Variants in PPP4R1 observed in about 807,000 individuals in gnomAD.
PPP4R1 encodes the protein protein phosphatase 4 regulatory subunit 1.
In PPP4R1, 42 loss-of-function variants were observed where a neutral mutation model predicts 111.2. The ratio of observed to expected loss-of-function variants is 0.38; its 90% CI spans 0.29 to 0.49. The LOEUF is 0.49. Ranked by LOEUF, PPP4R1 falls within the 20% of genes least tolerant of loss-of-function variation. The pLI is 0.97. For missense variants in PPP4R1, 1,012 were observed against 1,161.6 expected (o/e 0.87, Z 1.87); for synonymous variants, 409 against 405.5 (o/e 1.01, Z -0.10).
intron 9 of PPP4R1, among the ~76,000 whole-genome samples, chr18:9,582,280 A>AC (rs1290154336): frequency 1.3e-5 from 2 of 151,942 alleles, no homozygotes; most frequent in African/African-American, 4.8e-5. Context: ...AAGCTGACAA[A>AC]CCTTTAGCAG....
At chr18:9,587,962 C>T (rs2067147977) in intron 6 of PPP4R1, 127 bp downstream of exon 6, 1 of 1,185,418 alleles carries the variant, frequency 8.4e-7, no homozygotes, top group African/African-American at 1.5e-5. Context: ...AGTGATCCAC[C>T]CACCTCGGCC....
chr18:9,575,368 G>C (rs1458491850), intron 10 of PPP4R1, among the ~76,000 whole-genome samples: 3 of 152,200 alleles, frequency 2.0e-5, no homozygotes, highest in South Asian at 2.1e-4. Flanking sequence ...TGCTATTTAA[G>C]GGAGGGCAAA....
Position 9,547,807 on chromosome 18 carries a change from T to C in PPP4R1, c.2835A>G (p.Thr945=). 6.2e-7 allele frequency: 1 copy of C among 1,613,068 alleles called. No homozygotes were observed. The highest frequency in any genetic ancestry group is 8.5e-7 in the Non-Finnish European group (1 of 1,179,948). Reference sequence around the variant, plus strand: ...AAGCCTTCTAGTAGGTTGAGGACGCTGTGCTCATGGCATCTTCGGAGATTT... The same window carrying C: ...AAGCCTTCTAGTAGGTTGAGGACGCCGTGCTCATGGCATCTTCGGAGATTT... The part of the protein sequence containing the change: ...STKISEDAMS[T]ASSTY Residue 945 remains threonine, a synonymous_variant, in exon 20 of 20, where the codon ACA becomes ACG. Transcript: ENST00000400556.
chr18:9,563,641 T>A, intron 11 of PPP4R1, 91 bp from the exon 12 acceptor site: 4 of 1,193,374 alleles, frequency 3.4e-6, no homozygotes, highest in Non-Finnish European at 4.5e-6. Context: ...ACGTTATCAA[T>A]GAAATATATA....
chr18:9,615,528 TTTA>T (rs1379576308), upstream of PPP4R1, among the ~76,000 whole-genome samples: 4 of 152,236 alleles, frequency 2.6e-5, no homozygotes, highest in Non-Finnish European at 5.9e-5. Context: ...TATCCCAGAC[TTTA>T]TTAGTCTTGT....
At chr18:9,596,319 C>T (rs1446328683) in intron 2 of PPP4R1, among the ~76,000 whole-genome samples, 1 of 152,142 alleles carries the variant, frequency 6.6e-6, no homozygotes, top group Non-Finnish European at 1.5e-5. Flanking sequence ...TTCCCAAAGC[C>T]CTAAGAGCTT....
intron 6 of PPP4R1, among the ~76,000 whole-genome samples, 174 bp downstream of exon 6, chr18:9,587,915 C>A (rs1161941516): frequency 6.6e-6 from 1 of 151,880 alleles, no homozygotes; most frequent in Non-Finnish European, 1.5e-5. Flanking sequence ...CCAGGTGTCA[C>A]CATATTGCCC....
intron 2 of PPP4R1, among the ~76,000 whole-genome samples, chr18:9,608,038 T>C (rs869279680): frequency 4.0e-5 from 6 of 151,868 alleles, no homozygotes; most frequent in Admixed American, 1.3e-4. Flanking sequence ...CCCGCCTCGT[T>C]CTCCCAAAGT....
At chr18:9,608,466 C>G (rs1441757688) in intron 2 of PPP4R1, among the ~76,000 whole-genome samples, 1 of 152,166 alleles carries the variant, frequency 6.6e-6, no homozygotes, top group African/African-American at 2.4e-5. Flanking sequence ...GCTCCTTAGT[C>G]TAGGGAGATA....
At chr18:9,557,011 A>G (rs902184158) in intron 15 of PPP4R1, 4 of 405,892 alleles carry the variant, frequency 9.9e-6, no homozygotes, top group South Asian at 4.8e-5. Context: ...AAAGATACAA[A>G]TGTCTGTAAA....
chr18:9,555,895 G>A (rs988661410), intron 15 of PPP4R1, among the ~76,000 whole-genome samples: 12 of 152,062 alleles, frequency 7.9e-5, no homozygotes, highest in Non-Finnish European at 1.5e-4. Flanking sequence ...CCAGCACTTT[G>A]GGAGGCCAAG....
chr18:9,609,895 A>T (rs2067548065), intron 2 of PPP4R1, among the ~76,000 whole-genome samples: 2 of 152,244 alleles, frequency 1.3e-5, no homozygotes, highest in East Asian at 3.8e-4. Flanking sequence ...GTCTAAACTT[A>T]GGAGTTTTGT....
intron 15 of PPP4R1, among the ~76,000 whole-genome samples, chr18:9,555,880 T>C (rs1291840483): frequency 2.0e-5 from 3 of 151,952 alleles, no homozygotes; most frequent in East Asian, 1.9e-4. Flanking sequence ...CTCACGCCTG[T>C]AATCCCAGCA....
chr18:9,615,285 G>T (rs981890418), upstream of PPP4R1: 1 of 152,294 alleles, frequency 6.6e-6, no homozygotes, highest in Admixed American at 6.5e-5. Context: ...CAATCCACCA[G>T]CGGGAGCGTT....
chr18:9,556,092 C>A (rs190874344), intron 15 of PPP4R1, among the ~76,000 whole-genome samples: 3 of 150,890 alleles, frequency 2.0e-5, no homozygotes, highest in Non-Finnish European at 4.4e-5. Flanking sequence ...ACCTGGGAGG[C>A]GGAGGTTGCA....
intron 2 of PPP4R1, among the ~76,000 whole-genome samples, chr18:9,598,205 A>G (rs1031261111): frequency 3.9e-5 from 6 of 152,188 alleles, no homozygotes; most frequent in African/African-American, 1.4e-4. Context: ...GCATCCAAAT[A>G]TATGTGCAAA....
At chr18:9,554,368 A>T (rs2066537345) in intron 15 of PPP4R1, among the ~76,000 whole-genome samples, 1 of 152,034 alleles carries the variant, frequency 6.6e-6, no homozygotes, top group African/African-American at 2.4e-5. Context: ...ACCTCAGGTG[A>T]TCCGCTCGCC....
At chr18:9,590,204 T>C (rs900855191) in intron 4 of PPP4R1, 1 of 152,188 alleles carries the variant, frequency 6.6e-6, no homozygotes, top group Non-Finnish European at 1.5e-5. Context: ...TATGTATGAA[T>C]GTGTCTACTA....
At chr18:9,588,341 T>C in intron 5 of PPP4R1, 106 bp from the exon 6 acceptor site, 1 of 1,198,418 alleles carries the variant, frequency 8.3e-7, no homozygotes, top group South Asian at 1.6e-5. Context: ...GACCCATAAC[T>C]GGCAAAACTC....
Sources: gnomAD v4.1 joint callset for allele counts (sites outside exome capture counted in the v4.1 genomes callset) on GRCh38, gnomAD v4.1.1 for gene constraint, MANE v1.5 for transcripts, NCBI Gene and HGNC (gene_info 2026-07-23, HGNC 2026-07-21) for gene names.